Variants in R3HDM1 observed in about 807,000 individuals in gnomAD.
The protein encoded by R3HDM1 is R3H domain containing 1, also known as R3H domain-containing protein 1.
A neutral mutation model predicts 141.1 loss-of-function variants in R3HDM1; 46 were observed. The ratio of observed to expected loss-of-function variants is 0.33; its 90% CI spans 0.26 to 0.42. The LOEUF (loss-of-function observed/expected upper bound fraction) is 0.42. R3HDM1 is among the 10% of genes least tolerant of loss of function. The pLI is 1.00. For missense variants in R3HDM1, 1,184 were observed against 1,368.3 expected (o/e 0.87, Z 2.12); for synonymous variants, 435 against 472.9 (o/e 0.92, Z 1.04).
intron 1 of R3HDM1, among the ~76,000 whole-genome samples, chr2:135,533,139 G>A (rs1158580041): frequency 6.6e-6 from 1 of 152,056 alleles, no homozygotes; most frequent in Non-Finnish European, 1.5e-5. Context: ...GAAATTTGTG[G>A]TATCTATTAA....
Position 135,604,978 on chromosome 2 carries a change from A to T in R3HDM1, c.133A>T (p.Lys45Ter), listed in dbSNP as rs754267555. ...SENYGKILVE[K>*]NEHCIENNID... ...AAACTATGGGAAGATTTTGGTAGAG[A>T]AGAATGAACATTGTATTGAGAACAA... is the stretch of plus-strand genomic sequence containing the variant. Residue 45 changes from lysine to a stop codon, truncating the protein, a stop_gained, in exon 3 of 27, where the codon AAG becomes TAG. Transcript: ENST00000683871. LOFTEE classifies it high-confidence loss of function. 1 of 1,611,466 alleles carries T rather than the reference A, an allele frequency of 6.2e-7. No individual in the cohort carries two copies. The highest frequency in any genetic ancestry group is 8.5e-7 in the Non-Finnish European group (1 of 1,177,994).
At chr2:135,635,081 A>C (rs950149416) in intron 9 of R3HDM1, among the ~76,000 whole-genome samples, 11 of 152,194 alleles carry the variant, frequency 7.2e-5, no homozygotes, top group African/African-American at 2.7e-4. Context: ...TCGTTACTTT[A>C]GGTCACAACT....
At chr2:135,714,141 A>G (rs2075941709) in intron 23 of R3HDM1, among the ~76,000 whole-genome samples, 1 of 152,158 alleles carries the variant, frequency 6.6e-6, no homozygotes. Flanking sequence ...CAAAGGAAAA[A>G]AATTGTAATT....
Position 135,638,652 on chromosome 2 carries a change from A to G in R3HDM1, c.938A>G (p.Lys313Arg), listed in dbSNP as rs1183443057. ...LCSQENYIID[K>R]RLQDEDASST... is the part of the protein sequence containing the mutation. ...TCCCAAGAGAATTACATTATTGACA[A>G]AAGGTGAGGGAATTTTTAACATCTG... is the stretch of plus-strand genomic sequence containing the variant. The change falls in exon 12 of 27, where the codon AAA (lysine) becomes AGA (arginine). Residue 313 changes from lysine (K) to arginine (R), a missense_variant. Coordinates refer to ENST00000683871, the MANE Select transcript of R3HDM1 (RefSeq NM_001378107.1). The G allele has an allele frequency of 1.9e-6, 3 of 1,610,974 alleles. No homozygotes were observed. Among genetic ancestry groups the G allele is most frequent in the East Asian group, 2.2e-5 (1 of 44,838 alleles).
At chr2:135,706,361 AGTTTT>A (rs2074911407) in intron 21 of R3HDM1, among the ~76,000 whole-genome samples, 1 of 150,072 alleles carries the variant, frequency 6.7e-6, no homozygotes, top group South Asian at 2.1e-4. Flanking sequence ...ACATATCCAT[AGTTTT>A]GTTTTTGTTT....
chr2:135,656,311 T>C (rs2065886606), intron 18 of R3HDM1, among the ~76,000 whole-genome samples: 1 of 152,160 alleles, frequency 6.6e-6, no homozygotes, highest in Non-Finnish European at 1.5e-5. Context: ...TCTGCCTCTT[T>C]ATACAGTGAT....
chr2:135,679,976 A>T (rs1559417180), intron 20 of R3HDM1, among the ~76,000 whole-genome samples, 197 bp from the exon 21 acceptor site: 1 of 152,148 alleles, frequency 6.6e-6, no homozygotes, highest in African/African-American at 2.4e-5. Flanking sequence ...GCTACTCAGG[A>T]GGCTGAGGCA....
chr2:135,698,641 G>T (rs1037462983), intron 21 of R3HDM1, among the ~76,000 whole-genome samples: 1 of 152,162 alleles, frequency 6.6e-6, no homozygotes. Context: ...ATAAAGAAAA[G>T]AGGTTTAATT....
chr2:135,702,217 GAA>G (rs35183953), intron 21 of R3HDM1, among the ~76,000 whole-genome samples: 9 of 120,854 alleles, frequency 7.4e-5, no homozygotes, highest in African/African-American at 2.4e-4. Flanking sequence ...GTCTCAGGGG[GAA>G]AAAAAAAAAA....
chr2:135,594,002 G>C (rs1358958814), intron 1 of R3HDM1, among the ~76,000 whole-genome samples: 2 of 152,196 alleles, frequency 1.3e-5, no homozygotes, highest in Non-Finnish European at 2.9e-5. Context: ...TTACAGGCAT[G>C]AGCCACTGCG....
Position 135,531,578 on chromosome 2 carries a change from C to G in R3HDM1, c.-305C>G, listed in dbSNP as rs557148772. ...GACTCTTACTTGCACCCACCCAGCCCCGCCGTCGCCCCGCCGCGCCGCGCT... is the reference window on the plus strand; with the variant it reads ...GACTCTTACTTGCACCCACCCAGCCGCGCCGTCGCCCCGCCGCGCCGCGCT... On this transcript the variant is annotated 5_prime_UTR_variant, in exon 1 of 27. Coordinates refer to ENST00000683871, the MANE Select transcript of R3HDM1 (RefSeq NM_001378107.1). 83 of 986,728 alleles carry G rather than the reference C, an allele frequency of 8.4e-5. No homozygotes were observed. The African/African-American group carries it at 1.3e-3, about 16-fold the overall frequency. 61.1% of individuals were successfully genotyped at this position (986,728 alleles called of 1,614,324 possible).
At chr2:135,682,228 A>G (rs1448469575) in intron 21 of R3HDM1, among the ~76,000 whole-genome samples, 5 of 151,892 alleles carry the variant, frequency 3.3e-5, no homozygotes, top group African/African-American at 7.3e-5. Context: ...CATCATTTCT[A>G]TGTGGGGCAG....
Position 135,602,675 on chromosome 2 carries a change from G to A in R3HDM1, c.-74G>A. On this transcript the variant is annotated 5_prime_UTR_variant, in exon 2 of 27. Coordinates refer to ENST00000683871, the MANE Select transcript of R3HDM1 (RefSeq NM_001378107.1). Reference sequence around the variant, plus strand: ...GGATTATTTTATTTTATTTTTGTGGGACACCACAATCCCAAATCCAAAGGA... The same window carrying A: ...GGATTATTTTATTTTATTTTTGTGGAACACCACAATCCCAAATCCAAAGGA... 6.5e-7 allele frequency: 1 copy of A among 1,540,712 alleles called. No individual in the cohort carries two copies. Among genetic ancestry groups the A allele is most frequent in the South Asian group, 1.2e-5 (1 of 81,796 alleles).
At chr2:135,580,131 G>A (rs1385493080) in intron 1 of R3HDM1, among the ~76,000 whole-genome samples, 1 of 152,092 alleles carries the variant, frequency 6.6e-6, no homozygotes, top group Non-Finnish European at 1.5e-5. Flanking sequence ...GCACCCTTTA[G>A]TCCTAGCTAC....
At chr2:135,560,311 T>C (rs1701561755) in intron 1 of R3HDM1, among the ~76,000 whole-genome samples, 1 of 152,206 alleles carries the variant, frequency 6.6e-6, no homozygotes. Flanking sequence ...ATTTTTACTT[T>C]ACCACAATCT....
chr2:135,533,267 A>G (rs1695324045), intron 1 of R3HDM1, among the ~76,000 whole-genome samples: 1 of 152,214 alleles, frequency 6.6e-6, no homozygotes, highest in African/African-American at 2.4e-5. Flanking sequence ...ATATAGCAGA[A>G]CATGGTCTCA....
intron 1 of R3HDM1, among the ~76,000 whole-genome samples, chr2:135,542,858 C>T (rs1697906260): frequency 6.6e-6 from 1 of 152,164 alleles, no homozygotes; most frequent in African/African-American, 2.4e-5. Flanking sequence ...TTTGCCTCAG[C>T]CTCCCGAGTA....
At position 135,616,725 on chromosome 2, in the gene R3HDM1, C is replaced by A. The variant is rs1019801527; in HGVS notation, c.271C>A (p.Pro91Thr). 6.2e-7 allele frequency: 1 copy of A among 1,608,412 alleles called. No homozygotes were observed. The highest frequency in any genetic ancestry group is 8.5e-7 in the Non-Finnish European group (1 of 1,176,384). The change falls in exon 5 of 27, where the codon CCC (proline) becomes ACC (threonine). Residue 91 changes from proline to threonine, a missense_variant. This residue lies in a region of R3HDM1 where 192 missense variants were observed against 215.7 expected (regional missense o/e 0.89). Coordinates refer to ENST00000683871, the MANE Select transcript of R3HDM1 (RefSeq NM_001378107.1). ...TGCAGTGTGTGAAGAATCTCCACCA[C>A]CCCCTGCACCAGAGATATCACAGGA... ...SLAVCEESPP[P>T]PAPEISQENQ...
intron 1 of R3HDM1, among the ~76,000 whole-genome samples, chr2:135,553,684 TTTTG>T (rs559914868): frequency 9.9e-5 from 15 of 152,244 alleles, no homozygotes; most frequent in African/African-American, 2.2e-4. Flanking sequence ...TGTATGTGTT[TTTTG>T]TTTGTTTGTT....
Sources: gnomAD v4.1 joint callset for allele counts (sites outside exome capture counted in the v4.1 genomes callset) on GRCh38, gnomAD v4.1.1 for gene constraint, gnomAD v4.1.1 regional missense constraint, MANE v1.5 for transcripts, NCBI Gene and HGNC (gene_info 2026-07-23, HGNC 2026-07-21) for gene names.